The following VAMP4 variants were observed in gnomAD, a reference collection of about 807,000 sequenced individuals.
VAMP4 encodes the protein vesicle associated membrane protein 4.
VAMP4 carries 19 observed loss-of-function variants against 23.5 expected under a neutral mutation model. The observed-to-expected ratio is 0.81, with a 90% confidence interval of 0.56 to 1.19. The LOEUF (loss-of-function observed/expected upper bound fraction) is 1.19, where lower values mean the gene tolerates loss of function less well. VAMP4 is among the 50% of genes most tolerant of loss of function. The pLI, the probability that VAMP4 is intolerant of heterozygous loss-of-function variation, is 0.00. For synonymous variants in VAMP4, 31 were observed against 51.0 expected, an observed-to-expected ratio of 0.61 and a Z score of 1.67; for missense variants, 145 against 168.6, an observed-to-expected ratio of 0.86 and a Z score of 0.78.
chr1:171,740,132 G>A (rs567509362), intron 1 of VAMP4, among the ~76,000 whole-genome samples: 109 of 152,250 alleles, frequency 7.2e-4, no homozygotes, highest in African/African-American at 2.2e-3. Flanking sequence ...GTTTAGTAAC[G>A]ATAACGTTAG....
In VAMP4 at chr1:171,728,636, T is replaced by C; in HGVS notation, c.67-66A>G. On this transcript the variant is annotated intron_variant, in intron 2 of 7. Coordinates refer to ENST00000236192, the MANE Select transcript of VAMP4 (RefSeq NM_003762.5). ...GGGCTTATAAAATGTCACAGAGGAGTAATGAAATAAGTCCTATACTAGTGA... is the reference window on the plus strand; with the variant it reads ...GGGCTTATAAAATGTCACAGAGGAGCAATGAAATAAGTCCTATACTAGTGA... The C allele has an allele frequency of 9.5e-6, 14 of 1,477,080 alleles. No homozygotes were observed. In the South Asian group the frequency reaches 1.7e-4, roughly 18 times the overall value. 91.5% of individuals were successfully genotyped at this position (1,477,080 alleles called of 1,614,324 possible).
intron 3 of VAMP4, among the ~76,000 whole-genome samples, chr1:171,719,531 A>C (rs1263119262): frequency 1.3e-5 from 2 of 152,118 alleles, no homozygotes; most frequent in African/African-American, 4.8e-5. Flanking sequence ...CTGATCATTA[A>C]ACTCTGAAAT....
intron 2 of VAMP4, among the ~76,000 whole-genome samples, chr1:171,733,662 A>G (rs1655634929): frequency 6.6e-6 from 1 of 152,212 alleles, no homozygotes; most frequent in African/African-American, 2.4e-5. Context: ...TTTCATACCC[A>G]CTAGGCAGAT....
At chr1:171,709,105 G>A (rs1352281483) in intron 6 of VAMP4, among the ~76,000 whole-genome samples, 1 of 152,006 alleles carries the variant, frequency 6.6e-6, no homozygotes, top group Non-Finnish European at 1.5e-5. Context: ...TGTTTTGCAG[G>A]AGTATATATT....
At chr1:171,727,240 CAAA>C (rs35549560) in intron 3 of VAMP4, among the ~76,000 whole-genome samples, 4 of 85,090 alleles carry the variant, frequency 4.7e-5, no homozygotes, top group Non-Finnish European at 6.3e-5. Flanking sequence ...TACCTTGTCT[CAAA>C]AAAAAAAAAA....
chr1:171,708,275 G>A (rs1654728326), intron 6 of VAMP4, among the ~76,000 whole-genome samples: 1 of 148,266 alleles, frequency 6.7e-6, no homozygotes, highest in Non-Finnish European at 1.5e-5. Context: ...AGGAGGCAGA[G>A]GTTGCAGTGA....
chr1:171,733,547 G>A (rs745451931), intron 2 of VAMP4, among the ~76,000 whole-genome samples: 13 of 152,098 alleles, frequency 8.5e-5, no homozygotes, highest in Non-Finnish European at 1.8e-4. Context: ...ATTGTACACT[G>A]AGAAACACAC....
chr1:171,719,298 C>G, intron 3 of VAMP4, 77 bp from the exon 4 acceptor site: 1 of 1,264,306 alleles, frequency 7.9e-7, no homozygotes, highest in Non-Finnish European at 1.1e-6. Context: ...AGAAAGTATA[C>G]ACAAATACAA....
intron 2 of VAMP4, among the ~76,000 whole-genome samples, chr1:171,729,102 T>C (rs527837542): frequency 1.3e-4 from 20 of 152,308 alleles, no homozygotes; most frequent in Middle Eastern, 3.4e-3. Context: ...TTTAGACTTT[T>C]ATAACATACA....
chr1:171,714,359 CAG>C (rs1346587917), intron 4 of VAMP4, among the ~76,000 whole-genome samples: 1 of 152,182 alleles, frequency 6.6e-6, no homozygotes, highest in Non-Finnish European at 1.5e-5. Context: ...GCCTTAAAAA[CAG>C]AGACTAACCC....
At position 171,719,177 on chromosome 1, in the gene VAMP4, ATTT is replaced by A; in HGVS notation, c.155_157del (p.Lys52del). ...ACAAATGAACAAAACTTACTGCTTA[ATTT>A]TATCATTTCTAGGTCCAAATCTTGG... On this transcript the variant is annotated inframe_deletion, in exon 4 of 8. Coordinates refer to ENST00000236192, the MANE Select transcript of VAMP4 (RefSeq NM_003762.5). The A allele has an allele frequency of 6.2e-7, 1 of 1,611,624 alleles. No homozygotes were observed. The highest frequency in any genetic ancestry group is 8.5e-7 in the Non-Finnish European group (1 of 1,178,828).
chr1:171,739,590 C>A (rs777790841), intron 1 of VAMP4, among the ~76,000 whole-genome samples: 7 of 152,326 alleles, frequency 4.6e-5, no homozygotes, highest in Non-Finnish European at 7.3e-5. Flanking sequence ...TTGTGATTGG[C>A]ACCTGAAGTG....
At chr1:171,723,477 T>C (rs1206410887) in intron 3 of VAMP4, among the ~76,000 whole-genome samples, 1 of 152,054 alleles carries the variant, frequency 6.6e-6, no homozygotes, top group African/African-American at 2.4e-5. Flanking sequence ...CTCAGGACTG[T>C]TCCTTGCTGA....
chr1:171,728,397 T>C (rs1183458737), intron 3 of VAMP4, 127 bp downstream of exon 3: 1 of 695,528 alleles, frequency 1.4e-6, no homozygotes, highest in African/African-American at 1.8e-5. Context: ...CTGGGGGATC[T>C]TGGAAGGCAT....
chr1:171,705,023 T>C (rs1420366811), intron 7 of VAMP4, among the ~76,000 whole-genome samples: 2 of 152,052 alleles, frequency 1.3e-5, no homozygotes, highest in Admixed American at 6.6e-5. Context: ...ACATGATTGA[T>C]TCTTGGTTTC....
chr1:171,719,674 T>C (rs1454523712), intron 3 of VAMP4, among the ~76,000 whole-genome samples: 1 of 152,062 alleles, frequency 6.6e-6, no homozygotes, highest in South Asian at 2.1e-4. Context: ...TTGACAAAGA[T>C]GGATATAGAG....
intron 6 of VAMP4, 51 bp from the exon 7 acceptor site, chr1:171,706,469 TC>T: frequency 6.5e-7 from 1 of 1,534,870 alleles, no homozygotes; most frequent in South Asian, 1.2e-5. Context: ...GTTAATAAAG[TC>T]AAGACTATTT....
chr1:171,719,479 G>A (rs1655121273), intron 3 of VAMP4, among the ~76,000 whole-genome samples: 1 of 151,514 alleles, frequency 6.6e-6, no homozygotes, highest in Admixed American at 6.6e-5. Flanking sequence ...GAGAAATTAG[G>A]GTTTATATTA....
chr1:171,716,551 T>G (rs974223548), intron 4 of VAMP4, among the ~76,000 whole-genome samples: 5 of 151,820 alleles, frequency 3.3e-5, no homozygotes, highest in African/African-American at 9.7e-5. Flanking sequence ...AAAAGAGTCT[T>G]TCCTAAGAAG....
Sources: allele counts gnomAD v4.1 joint callset (sites outside exome capture counted in the v4.1 genomes callset), GRCh38; gene constraint gnomAD v4.1.1; transcripts MANE v1.5; gene names NCBI Gene and HGNC (gene_info 2026-07-23, HGNC 2026-07-21).